LSAMP: variants seen among roughly 807,000 people sequenced by gnomAD.
LSAMP encodes the protein limbic system-associated membrane protein.
A neutral mutation model predicts 38.6 loss-of-function variants in LSAMP; 7 were observed. The ratio of observed to expected loss-of-function variants is 0.18; its 90% confidence interval spans 0.10 to 0.34. The LOEUF (loss-of-function observed/expected upper bound fraction) is 0.34. Among genes scored for constraint, LSAMP ranks in the 10% least tolerant of loss-of-function variants. LSAMP has a pLI of 1.00. For synonymous variants in LSAMP, 154 were observed against 166.8 expected (o/e 0.92, Z 0.59); for missense variants, 313 against 420.0 (o/e 0.75, Z 2.23).
At chr3:116,260,130 G>A (rs1483541222) in intron 1 of LSAMP, among the ~76,000 whole-genome samples, 1 of 152,046 alleles carries the variant, frequency 6.6e-6, no homozygotes, top group East Asian at 1.9e-4. Context: ...TTATGTGATT[G>A]TCTTTTTCTA....
chr3:116,329,026 A>G (rs535333519), intron 1 of LSAMP, among the ~76,000 whole-genome samples: 1 of 152,274 alleles, frequency 6.6e-6, no homozygotes, highest in African/African-American at 2.4e-5. Context: ...ACTTTACACA[A>G]CTCAGAATAA....
At chr3:115,821,619 A>C (rs1934243009) in intron 6 of LSAMP, among the ~76,000 whole-genome samples, 1 of 152,238 alleles carries the variant, frequency 6.6e-6, no homozygotes. Flanking sequence ...GCAGGTTTTG[A>C]AAATGACATA....
At chr3:115,967,412 G>C (rs72957732) in intron 3 of LSAMP, among the ~76,000 whole-genome samples, 37,223 of 152,000 alleles carry the variant, frequency 0.24, 5,224 homozygotes, top group African/African-American at 0.4. Context: ...AAAGCCATTT[G>C]ACAAGTCTCT....
intron 1 of LSAMP, among the ~76,000 whole-genome samples, chr3:116,398,603 ATG>A (rs1421591953): frequency 7.2e-5 from 11 of 152,234 alleles, no homozygotes; most frequent in Non-Finnish European, 1.5e-4. Context: ...TGAAGAATGA[ATG>A]TGTTTGGAAA....
intron 2 of LSAMP, among the ~76,000 whole-genome samples, chr3:116,027,692 T>G (rs1209039258): frequency 6.6e-6 from 1 of 152,150 alleles, no homozygotes; most frequent in Non-Finnish European, 1.5e-5. Context: ...TTGGTTGCTT[T>G]AAAACAACCT....
intron 1 of LSAMP, among the ~76,000 whole-genome samples, chr3:116,356,086 A>C (rs2048219606): frequency 6.6e-6 from 1 of 151,956 alleles, no homozygotes; most frequent in African/African-American, 2.4e-5. Context: ...CTATATACCC[A>C]AAACAAAGGA....
intron 1 of LSAMP, among the ~76,000 whole-genome samples, chr3:116,210,946 G>A (rs2046148720): frequency 6.6e-6 from 1 of 151,658 alleles, no homozygotes; most frequent in Non-Finnish European, 1.5e-5. Flanking sequence ...TCTATCAACA[G>A]ATGAATGGAT....
intron 3 of LSAMP, among the ~76,000 whole-genome samples, chr3:116,010,749 A>T (rs990177832): frequency 6.6e-6 from 1 of 152,222 alleles, no homozygotes; most frequent in Non-Finnish European, 1.5e-5. Context: ...CTTCTTGGCA[A>T]TAAATTACTG....
intron 3 of LSAMP, among the ~76,000 whole-genome samples, chr3:115,986,282 A>G (rs1939507034): frequency 6.6e-6 from 1 of 152,160 alleles, no homozygotes; most frequent in Non-Finnish European, 1.5e-5. Context: ...AAAGCAAAAG[A>G]AATAAAACAT....
intron 2 of LSAMP, among the ~76,000 whole-genome samples, chr3:116,077,718 G>A (rs1345614549): frequency 1.3e-5 from 2 of 152,104 alleles, no homozygotes; most frequent in Non-Finnish European, 2.9e-5. Context: ...TTTGTCAATT[G>A]CTGCGTCATG....
At chr3:116,161,096 A>G (rs1709876293) in intron 1 of LSAMP, among the ~76,000 whole-genome samples, 1 of 152,188 alleles carries the variant, frequency 6.6e-6, no homozygotes, top group Non-Finnish European at 1.5e-5. Context: ...TAATTATTTT[A>G]AGTGTGAATG....
At chr3:116,204,952 G>C (rs2046045502) in intron 1 of LSAMP, among the ~76,000 whole-genome samples, 1 of 144,758 alleles carries the variant, frequency 6.9e-6, no homozygotes, top group Admixed American at 7.0e-5. Flanking sequence ...GTCATTGGTA[G>C]CTTTATGGGG....
intron 2 of LSAMP, among the ~76,000 whole-genome samples, chr3:116,079,931 A>G (rs1252852648): frequency 1.3e-5 from 2 of 152,188 alleles, no homozygotes; most frequent in Non-Finnish European, 2.9e-5. Flanking sequence ...CACAAATGCT[A>G]CAGTTAATGA....
rs1175328445 is a variant in LSAMP at position 115,805,870 on chromosome 3, G to T, written c.*4447C>A. 1 of 152,180 alleles carries T rather than the reference G, an allele frequency of 6.6e-6. No individual in the cohort carries two copies. Among genetic ancestry groups the T allele is most frequent in the East Asian group, 1.9e-4 (1 of 5,196 alleles). 9.4% of individuals were successfully genotyped at this position (152,180 alleles called of 1,614,324 possible). ...GAAAATTTACATCACTGAGGCAAAT[G>T]CAGTCTTTGGAGAAGAAATATTCTA... On this transcript the variant is annotated 3_prime_UTR_variant, in exon 7 of 7. Coordinates refer to ENST00000490035, the MANE Select transcript of LSAMP (RefSeq NM_002338.5).
intron 1 of LSAMP, among the ~76,000 whole-genome samples, chr3:116,308,421 C>T (rs559632272): frequency 6.6e-5 from 10 of 151,980 alleles, no homozygotes; most frequent in African/African-American, 2.2e-4. Context: ...GTGTGACAGA[C>T]AATAATTGCT....
At chr3:116,235,810 GAAAT>G (rs1294836486) in intron 1 of LSAMP, among the ~76,000 whole-genome samples, 2 of 152,034 alleles carry the variant, frequency 1.3e-5, no homozygotes, top group African/African-American at 4.8e-5. Context: ...TCTTACTTTT[GAAAT>G]AAATAAAGAA....
chr3:115,914,817 C>T (rs925657692), intron 3 of LSAMP, among the ~76,000 whole-genome samples: 1 of 152,222 alleles, frequency 6.6e-6, no homozygotes, highest in African/African-American at 2.4e-5. Context: ...TAAGTACTCT[C>T]AAGCACACAG....
Position 116,200,534 on chromosome 3 carries a change from C to G in LSAMP, c.156-113978G>C, listed in dbSNP as rs184308404. Among the ~76,000 whole-genome samples, 3 of 152,312 alleles carry G rather than the reference C, an allele frequency of 2.0e-5. No homozygotes were observed. The East Asian group carries it at 5.8e-4, about 29-fold the overall frequency. On this transcript the variant is annotated intron_variant, in intron 1 of 6. Coordinates refer to ENST00000490035, the MANE Select transcript of LSAMP (RefSeq NM_002338.5). The stretch of plus-strand genomic sequence containing the variant: ...GCTTGCCAGACTTGCTTCTCTCTAG[C>G]TTCGAGACAATCAGCTCATGACCCC...
chr3:116,333,305 CTGAGG>C (rs1384404519), intron 1 of LSAMP, among the ~76,000 whole-genome samples: 1 of 152,002 alleles, frequency 6.6e-6, no homozygotes, highest in Non-Finnish European at 1.5e-5. Context: ...CTTTGGGAGA[CTGAGG>C]CAGGTGGATC....
Sources: gnomAD v4.1 joint callset for allele counts (sites outside exome capture counted in the v4.1 genomes callset) on GRCh38, gnomAD v4.1.1 for gene constraint, MANE v1.5 for transcripts, NCBI Gene and HGNC (gene_info 2026-07-23, HGNC 2026-07-21) for gene names.